Variants in WDR93 observed in about 807,000 individuals in gnomAD.
WDR93 encodes WD repeat domain 93.
A neutral mutation model predicts 82.9 loss-of-function variants in WDR93; 73 were observed. The observed-to-expected ratio is 0.88, with a 90% CI of 0.73 to 1.07. The LOEUF (loss-of-function observed/expected upper bound fraction) is 1.07. Ranked by LOEUF, WDR93 falls within the 50% of genes least tolerant of loss-of-function variation. The pLI is 0.00. For missense variants in WDR93, 738 were observed against 826.0 expected (o/e 0.89, Z 1.31); for synonymous variants, 283 against 300.1 (o/e 0.94, Z 0.59).
intron 7 of WDR93, among the ~76,000 whole-genome samples, chr15:89,718,890 C>G (rs1418647212): frequency 6.6e-6 from 1 of 152,224 alleles, no homozygotes; most frequent in Non-Finnish European, 1.5e-5. Flanking sequence ...GCTGGGATTA[C>G]AGGCATGAGC....
intron 8 of WDR93, among the ~76,000 whole-genome samples, chr15:89,722,559 G>A (rs1042882600): frequency 6.6e-6 from 1 of 152,194 alleles, no homozygotes; most frequent in Non-Finnish European, 1.5e-5. Flanking sequence ...CTGCACTCTA[G>A]AAGTTGATAG....
chr15:89,714,318 C>T (rs923949038), intron 5 of WDR93: 2 of 152,430 alleles, frequency 1.3e-5, no homozygotes, highest in Non-Finnish European at 2.9e-5. Context: ...CACACAAATT[C>T]ATGAAGCATT....
In WDR93 at chr15:89,743,616, TAAAC is replaced by T. The variant is rs1225047474; in HGVS notation, c.*227_*230del. ...CAGGCAGGCAGATGTGTCACCCAAA[TAAAC>T]AGTGATATTGTCTCCAGACTCCCAA... On this transcript the variant is annotated 3_prime_UTR_variant, in exon 17 of 17. Transcript: ENST00000268130. The T allele has an allele frequency of 1.8e-6, 1 of 567,356 alleles. No individual in the cohort carries two copies. Among genetic ancestry groups the T allele is most frequent in the Non-Finnish European group, 3.1e-6 (1 of 317,562 alleles). The allele number at this position is 567,356 out of a possible 1,614,324, so 35.1% of individuals were successfully genotyped here.
In WDR93 at chr15:89,731,481, G is replaced by T; in HGVS notation, c.1249G>T (p.Val417Phe). 5 of 1,614,180 alleles carry T rather than the reference G, an allele frequency of 3.1e-6. No homozygotes were observed. The highest frequency in any genetic ancestry group is 4.2e-6 in the Non-Finnish European group (5 of 1,180,022). Residue 417 changes from valine (V) to phenylalanine (F), a missense_variant, in exon 12 of 17, where the codon GTC becomes TTC. Physicochemically the swap from Val to Phe is conservative, Grantham distance 50. Coordinates refer to ENST00000268130, the MANE Select transcript of WDR93 (RefSeq NM_020212.2). ...GTGGCCCTGTGCTGCGCCCATTGCA[G>T]TCTCTCAGCTCAGCTGCTCCTCCTC... ...GVWPCAAPIAVSQLSCSSSYL... is the reference protein window; with the variant it reads ...GVWPCAAPIAFSQLSCSSSYL...
intron 9 of WDR93, 120 bp downstream of exon 9, chr15:89,727,448 C>T (rs1318952268): frequency 4.7e-5 from 54 of 1,157,216 alleles, no homozygotes; most frequent in Non-Finnish European, 6.0e-5. Context: ...TTTCTGGGGC[C>T]GGGACAGTGG....
chr15:89,714,275 G>A (rs1240209689), intron 5 of WDR93: 5 of 152,234 alleles, frequency 3.3e-5, no homozygotes, highest in Non-Finnish European at 7.3e-5. Context: ...GAACGATACA[G>A]AGACGATTAG....
At chr15:89,737,763 C>T (rs759186870) in intron 15 of WDR93, 34 bp downstream of exon 15, 2 of 1,612,670 alleles carry the variant, frequency 1.2e-6, no homozygotes, top group South Asian at 1.1e-5. Context: ...TGCCCACTGA[C>T]CATTTCCCTG....
chr15:89,730,365 C>CTTG (rs1966850142), intron 11 of WDR93, among the ~76,000 whole-genome samples: 1 of 150,162 alleles, frequency 6.7e-6, no homozygotes, highest in African/African-American at 2.5e-5. Flanking sequence ...AGAAAGTAGG[C>CTTG]TTGGAATCAG....
At chr15:89,716,686 A>G (rs1255934115) in intron 6 of WDR93, among the ~76,000 whole-genome samples, 1 of 152,174 alleles carries the variant, frequency 6.6e-6, no homozygotes, top group African/African-American at 2.4e-5. Flanking sequence ...CTTGTTATTA[A>G]CTATTTCCTG....
intron 11 of WDR93, among the ~76,000 whole-genome samples, chr15:89,730,049 G>A (rs751814042): frequency 1.3e-5 from 2 of 152,210 alleles, no homozygotes; most frequent in African/African-American, 2.4e-5. Context: ...GCTTGGCTGG[G>A]CGCAATGGCT....
intron 14 of WDR93, among the ~76,000 whole-genome samples, chr15:89,737,075 G>A (rs530695690): frequency 2.6e-5 from 4 of 152,246 alleles, no homozygotes; most frequent in Admixed American, 1.3e-4. Flanking sequence ...ACAGGCATGA[G>A]CCATCGCGCC....
At chr15:89,709,391 T>C (rs1428522427) in intron 4 of WDR93, among the ~76,000 whole-genome samples, 1 of 152,102 alleles carries the variant, frequency 6.6e-6, no homozygotes, top group Non-Finnish European at 1.5e-5. Flanking sequence ...GTGCAGCATC[T>C]GGTTTTTAAA....
chr15:89,691,205 A>G (rs1964861388), intron 1 of WDR93, among the ~76,000 whole-genome samples: 1 of 152,194 alleles, frequency 6.6e-6, no homozygotes, highest in Non-Finnish European at 1.5e-5. Context: ...TGAACCTAGC[A>G]TGGGAGGCGG....
At chr15:89,699,231 TG>T (rs1965336744) in intron 1 of WDR93, among the ~76,000 whole-genome samples, 1 of 152,158 alleles carries the variant, frequency 6.6e-6, no homozygotes, top group African/African-American at 2.4e-5. Context: ...TTTCAATTTT[TG>T]TATGTCTAAA....
At chr15:89,713,218 A>AT (rs1460622440) in intron 5 of WDR93, among the ~76,000 whole-genome samples, 1 of 152,088 alleles carries the variant, frequency 6.6e-6, no homozygotes, top group East Asian at 1.9e-4. Flanking sequence ...AGTAATTAAT[A>AT]AACACCTTGA....
chr15:89,735,875 T>A (rs1436590825), intron 14 of WDR93, among the ~76,000 whole-genome samples: 1 of 152,148 alleles, frequency 6.6e-6, no homozygotes, highest in African/African-American at 2.4e-5. Flanking sequence ...GACTGTGTTT[T>A]CTGGAGGAGG....
intron 1 of WDR93, among the ~76,000 whole-genome samples, chr15:89,698,392 A>G (rs1289552308): frequency 6.6e-6 from 1 of 152,158 alleles, no homozygotes; most frequent in African/African-American, 2.4e-5. Flanking sequence ...AGTCTTATCT[A>G]TTCTGACAAC....
At chr15:89,692,305 G>C (rs911641859) in intron 1 of WDR93, among the ~76,000 whole-genome samples, 1 of 152,204 alleles carries the variant, frequency 6.6e-6, no homozygotes, top group Non-Finnish European at 1.5e-5. Flanking sequence ...CTAGACTCCA[G>C]AAGAGGGAAA....
intron 1 of WDR93, among the ~76,000 whole-genome samples, chr15:89,693,021 ATT>A (rs1964979560): frequency 6.6e-6 from 1 of 152,142 alleles, no homozygotes; most frequent in African/African-American, 2.4e-5. Context: ...AGCATAATGC[ATT>A]TGAGATTATC....
Sources: allele counts gnomAD v4.1 joint callset (sites outside exome capture counted in the v4.1 genomes callset), GRCh38; gene constraint gnomAD v4.1.1; transcripts MANE v1.5; gene names NCBI Gene and HGNC (gene_info 2026-07-23, HGNC 2026-07-21).